The following URGCP variants were observed in gnomAD, a reference collection of about 807,000 sequenced individuals.
URGCP encodes the protein up-regulator of cell proliferation.
URGCP carries 13 observed loss-of-function variants against 24.6 expected under a neutral mutation model. The observed-to-expected ratio is 0.53, with a 90% confidence interval of 0.34 to 0.84. URGCP has a LOEUF of 0.84. Among genes scored for constraint, URGCP ranks in the 40% least tolerant of loss-of-function variants. The probability of loss-of-function intolerance (pLI) is 0.01; values close to 1 mark genes in which losing one functional copy is unlikely to be tolerated. For synonymous variants in URGCP, 444 were observed against 487.2 expected, an observed-to-expected ratio of 0.91 and a Z score of 1.17; for missense variants, 899 against 1,194.3, an observed-to-expected ratio of 0.75 and a Z score of 3.64.
Position 43,906,518 on chromosome 7 carries a change from T to C in URGCP, c.14+44A>G. The C allele has an allele frequency of 4.2e-6, 5 of 1,197,382 alleles. No homozygotes were observed. In the South Asian group the frequency reaches 1.4e-4, roughly 35 times the overall value. 74.2% of individuals were successfully genotyped at this position (1,197,382 alleles called of 1,614,324 possible). A position where few individuals can be genotyped will look rare whatever the true frequency, so the allele number is the denominator to read the frequency against. ...CCGCTCCGGGTCCCGCTCCCGTTCC[T>C]GCCGGCAGCCGCGGGGGCGCAGGGC... On this transcript the variant is annotated intron_variant, in intron 1 of 5. Transcript: ENST00000453200.
chr7:43,886,155 T>C (rs2095861750), intron 3 of URGCP, among the ~76,000 whole-genome samples: 1 of 152,214 alleles, frequency 6.6e-6, no homozygotes, highest in Non-Finnish European at 1.5e-5. Context: ...ATGAATAAAA[T>C]AGTGATTTTT....
chr7:43,895,859 T>C (rs2095877522), intron 1 of URGCP, among the ~76,000 whole-genome samples: 1 of 152,176 alleles, frequency 6.6e-6, no homozygotes, highest in Non-Finnish European at 1.5e-5. Context: ...AGAAAGGAAA[T>C]GTGTGTGTCA....
In URGCP at chr7:43,878,731, T is replaced by G; in HGVS notation, c.732A>C (p.Pro244=). The G allele has an allele frequency of 9.9e-6, 16 of 1,614,102 alleles. No individual in the cohort carries two copies. The highest frequency in any genetic ancestry group is 1.4e-5 in the Non-Finnish European group (16 of 1,179,984). The change falls in exon 6 of 6, where the codon CCA becomes CCC. Residue 244 remains proline, a synonymous_variant. Transcript: ENST00000453200. The surrounding 1 kb of genome is among the most constrained non-coding windows in gnomAD (Gnocchi z 5.6). ...GIVRTWWSQP[P]RGMGSFREDS... is the part of the protein sequence containing the mutation. ...CTTCCCGGAAGCTCCCCATGCCCCT[T>G]GGGGGCTGGGACCACCATGTCCTCA...
At chr7:43,898,896 G>T (rs1305154191) in intron 1 of URGCP, among the ~76,000 whole-genome samples, 3 of 149,334 alleles carry the variant, frequency 2.0e-5, no homozygotes, top group Non-Finnish European at 4.4e-5. Flanking sequence ...CAGCTCTTGG[G>T]AGGCCAAGGC....
Position 43,878,039 on chromosome 7 carries a change from C to T in URGCP, c.1424G>A (p.Arg475Gln), listed in dbSNP as rs755401456. 3.0e-5 allele frequency: 48 copies of T among 1,614,094 alleles called. No homozygotes were observed. Among genetic ancestry groups the T allele is most frequent in the African/African-American group, 4.0e-5 (3 of 74,930 alleles). Reference sequence around the variant, plus strand: ...GATTTTCCTGGTAATCCTCTCCATCCGGTCTTTCGCTTTCTGACACTCCTC... The same window carrying T: ...GATTTTCCTGGTAATCCTCTCCATCTGGTCTTTCGCTTTCTGACACTCCTC... Reference protein sequence around the residue: ...DCEECQKAKDRMERITRKIKD... With the variant: ...DCEECQKAKDQMERITRKIKD... Residue 475 changes from arginine to glutamine, a missense_variant, in exon 6 of 6, where the codon CGG (arginine) becomes CAG (glutamine). Coordinates refer to ENST00000453200, the MANE Select transcript of URGCP (RefSeq NM_001077663.3). The surrounding 1 kb of genome is among the most constrained non-coding windows in gnomAD (Gnocchi z 5.6).
intron 1 of URGCP, among the ~76,000 whole-genome samples, chr7:43,896,941 A>T (rs1052533403): frequency 2.0e-5 from 3 of 152,208 alleles, no homozygotes; most frequent in African/African-American, 7.2e-5. Flanking sequence ...TTATCCACAT[A>T]TTTATTGCTA....
chr7:43,908,698 C>G (rs532729098), upstream of URGCP, among the ~76,000 whole-genome samples: 1 of 152,216 alleles, frequency 6.6e-6, no homozygotes, highest in Non-Finnish European at 1.5e-5. Flanking sequence ...CCCTAGTAAT[C>G]CTTTATTGCC....
In URGCP at chr7:43,903,769, C is replaced by G. The variant is rs562149651; in HGVS notation, c.14+2793G>C. Among the ~76,000 whole-genome samples the G allele has an allele frequency of 2.2e-4, 34 of 152,268 alleles. No homozygotes were observed. In the South Asian group the frequency reaches 6.4e-3, roughly 29 times the overall value. ...AACAAAGGGACCCCCAGAAGCCCAT[C>G]CATGAATCATGGAGCCTAAGTTAAG... On this transcript the variant is annotated intron_variant, in intron 1 of 5. Coordinates refer to ENST00000453200, the MANE Select transcript of URGCP (RefSeq NM_001077663.3).
In URGCP at chr7:43,876,894, C is replaced by G; in HGVS notation, c.2569G>C (p.Asp857His). The change falls in exon 6 of 6, where the codon GAC becomes CAC. Residue 857 changes from aspartate (D) to histidine (H), a missense_variant. Physicochemically the swap from Asp to His is moderately conservative, Grantham distance 81 (BLOSUM62 -1). Coordinates refer to ENST00000453200, the MANE Select transcript of URGCP (RefSeq NM_001077663.3). The stretch of plus-strand genomic sequence containing the variant: ...AGGCCTGCCAGTGCCCGGAAGCCGT[C>G]GCCCTGTTTCTCCATCTGGGCTGCA... ...RAAAQMEKQGDGFRALAGLAF... is the reference protein window; with the variant it reads ...RAAAQMEKQGHGFRALAGLAF... 6.2e-7 allele frequency: 1 copy of G among 1,613,992 alleles called. No individual in the cohort carries two copies. Among genetic ancestry groups the G allele is most frequent in the Non-Finnish European group, 8.5e-7 (1 of 1,180,006 alleles).
At chr7:43,900,743 A>T (rs372261935) in intron 1 of URGCP, among the ~76,000 whole-genome samples, 1 of 151,132 alleles carries the variant, frequency 6.6e-6, no homozygotes, top group Non-Finnish European at 1.5e-5. Flanking sequence ...AAGCCACTGC[A>T]CCTGCCATTA....
intron 1 of URGCP, among the ~76,000 whole-genome samples, chr7:43,921,490 A>G (rs1264337678): frequency 6.6e-6 from 1 of 152,224 alleles, no homozygotes; most frequent in Non-Finnish European, 1.5e-5. Flanking sequence ...TACTGGTAAA[A>G]TGCAAATGTG....
In URGCP at chr7:43,920,901, C is replaced by T. The variant is rs2095921636; in HGVS notation, c.-116+5231G>A. Among the ~76,000 whole-genome samples the T allele has an allele frequency of 2.0e-5, 3 of 152,264 alleles. No individual in the cohort carries two copies. In the South Asian group the frequency reaches 6.2e-4, roughly 32 times the overall value. ...CCCTGAAAACTGCATGCTTTCCTAG[C>T]CCTGCTCTTAAAGGGCCCCACTCGA... On this transcript the variant is annotated intron_variant, in intron 1 of 5. Coordinates refer to the URGCP transcript ENST00000426198.
chr7:43,883,362 A>ATATATATTT (rs1554289259), intron 3 of URGCP, among the ~76,000 whole-genome samples: 1 of 88,288 alleles, frequency 1.1e-5, no homozygotes, highest in African/African-American at 5.6e-5. Context: ...ATATATATAT[A>ATATATATTT]TTTTTTTTTT....
intron 1 of URGCP, chr7:43,889,595 T>A (rs951770292): frequency 6.6e-6 from 1 of 152,224 alleles, no homozygotes; most frequent in Non-Finnish European, 1.5e-5. Context: ...TACAAGAAAG[T>A]ATCATAAAAA....
At chr7:43,908,142 C>A (rs750015010), upstream of URGCP, among the ~76,000 whole-genome samples, 98 of 152,162 alleles carry the variant, frequency 6.4e-4, no homozygotes, top group Non-Finnish European at 1.2e-3. Flanking sequence ...AGTGCAATGG[C>A]GAGATCTTGG....
In URGCP at chr7:43,877,272, G is replaced by A. The variant is rs765870365; in HGVS notation, c.2191C>T (p.Gln731Ter). 1 of 1,613,974 alleles carries A rather than the reference G, an allele frequency of 6.2e-7. No individual in the cohort carries two copies. The highest frequency in any genetic ancestry group is 2.2e-5 in the East Asian group (1 of 44,880). ...AAGCCCTCAGCCACTGTGATGAGCT[G>A]CATGAAGGCCCCTCGAGGACCGCAG... ...KSCGPRGAFMQLITVAEGFSQ... is the reference protein window; with the variant it reads ...KSCGPRGAFM Residue 731 changes from glutamine (Q) to a stop codon, truncating the protein, a stop_gained, in exon 6 of 6, where the codon CAG becomes TAG. Transcript: ENST00000453200. LOFTEE classifies it high-confidence loss of function.
At chr7:43,912,416 T>C (rs906481244) in intron 1 of URGCP, among the ~76,000 whole-genome samples, 4 of 152,170 alleles carry the variant, frequency 2.6e-5, no homozygotes, top group Non-Finnish European at 4.4e-5. Flanking sequence ...GGAGAATCGC[T>C]TGAACCCAGG....
chr7:43,921,108 C>T (rs2095921916), intron 1 of URGCP, among the ~76,000 whole-genome samples: 1 of 152,138 alleles, frequency 6.6e-6, no homozygotes, highest in South Asian at 2.1e-4. Flanking sequence ...GGGCGGATCA[C>T]GAGGTCAGGA....
rs929665679 is a variant in URGCP, at chr7:43,877,695, G to C, written c.1768C>G (p.Leu590Val). Reference sequence around the variant, plus strand: ...CCCCCATGCTTTGGTCTCAGGGTGAGAAGCGTCTCCGGAGGCTGTCTCAGT... The same window carrying C: ...CCCCCATGCTTTGGTCTCAGGGTGACAAGCGTCTCCGGAGGCTGTCTCAGT... ...PRLRQPPETL[L>V]TLRPKHGGTT... Residue 590 changes from leucine to valine, a missense_variant, in exon 6 of 6, where the codon CTC becomes GTC. Leu to Val is a conservative substitution (Grantham distance 32, BLOSUM62 1). Transcript: ENST00000453200. 6.2e-7 allele frequency: 1 copy of C among 1,613,834 alleles called. No individual in the cohort carries two copies. Among genetic ancestry groups the C allele is most frequent in the South Asian group, 1.1e-5 (1 of 91,048 alleles).
Sources: allele counts gnomAD v4.1 joint callset (sites outside exome capture counted in the v4.1 genomes callset), GRCh38; gene constraint gnomAD v4.1.1; non-coding constraint Gnocchi (gnomAD v3.1); transcripts MANE v1.5; gene names NCBI Gene and HGNC (gene_info 2026-07-23, HGNC 2026-07-21).